Variants in SATB1 observed in about 807,000 individuals in gnomAD.
SATB1 encodes SATB homeobox 1.
A neutral mutation model predicts 86.9 loss-of-function variants in SATB1; 11 were observed. The observed-to-expected ratio is 0.13, with a 90% CI of 0.08 to 0.21. The LOEUF is 0.21. Ranked by LOEUF, SATB1 falls within the 10% of genes least tolerant of loss-of-function variation. The pLI is 1.00. For missense variants in SATB1, 551 were observed against 937.6 expected (o/e 0.59, Z 5.39); for synonymous variants, 357 against 357.2 (o/e 1.00, Z 0.01).
chr3:18,428,173 A>T (rs2125190482), upstream of SATB1, among the ~76,000 whole-genome samples: 1 of 152,316 alleles, frequency 6.6e-6, no homozygotes, highest in Non-Finnish European at 1.5e-5. Flanking sequence ...GAGGGGCCTC[A>T]TCTGGTGAGG....
chr3:18,352,262 C>A lies in SATB1; in HGVS notation c.1576-67G>T. Reference sequence around the variant, plus strand: ...AGGGGCTGGCATTTTCCATTAGGAGCTAAAAAGGAAAAACCCTATGAATTA... The same window carrying A: ...AGGGGCTGGCATTTTCCATTAGGAGATAAAAAGGAAAAACCCTATGAATTA... On this transcript the variant is annotated intron_variant, in intron 9 of 10. Coordinates refer to ENST00000338745, the MANE Select transcript of SATB1 (RefSeq NM_002971.6). The surrounding 1 kb of genome is among the most constrained non-coding windows in gnomAD (Gnocchi z 4.1). The A allele has an allele frequency of 2.9e-6, 4 of 1,396,362 alleles. No individual in the cohort carries two copies. The highest frequency in any genetic ancestry group is 3.7e-5 in the Admixed American group (2 of 54,294). The allele number at this position is 1,396,362 out of a possible 1,614,324, so 86.5% of individuals were successfully genotyped here. A position where few individuals can be genotyped will look rare whatever the true frequency, so the allele number is the denominator to read the frequency against.
intron 9 of SATB1, among the ~76,000 whole-genome samples, chr3:18,355,139 A>G (rs1205657881): frequency 6.6e-6 from 1 of 152,026 alleles, no homozygotes; most frequent in Non-Finnish European, 1.5e-5. Context: ...TGTTTGCTCT[A>G]AAGGGTATTC....
intron 9 of SATB1, among the ~76,000 whole-genome samples, chr3:18,361,195 G>A (rs1694891427): frequency 6.6e-6 from 1 of 151,916 alleles, no homozygotes; most frequent in Non-Finnish European, 1.5e-5. Flanking sequence ...TAAGAAGTCT[G>A]GGTTTTAATT....
At chr3:18,360,929 T>C (rs1694876337) in intron 9 of SATB1, among the ~76,000 whole-genome samples, 1 of 151,804 alleles carries the variant, frequency 6.6e-6, no homozygotes. Flanking sequence ...AGAAGAAGAG[T>C]TGAGGTAGGG....
chr3:18,401,340 G>A (rs1024192713), intron 5 of SATB1, among the ~76,000 whole-genome samples: 5 of 152,094 alleles, frequency 3.3e-5, no homozygotes, highest in Non-Finnish European at 7.4e-5. Flanking sequence ...CGCTTTGGCT[G>A]TCGTGATAGA....
intron 8 of SATB1, among the ~76,000 whole-genome samples, chr3:18,381,845 A>G (rs1696080323): frequency 6.6e-6 from 1 of 152,092 alleles, no homozygotes; most frequent in African/African-American, 2.4e-5. Flanking sequence ...CCACTCTCAA[A>G]TTTTAATATA....
At chr3:18,363,598 G>A (rs2125152763) in intron 9 of SATB1, among the ~76,000 whole-genome samples, 1 of 152,232 alleles carries the variant, frequency 6.6e-6, no homozygotes, top group South Asian at 2.1e-4. Context: ...ATCCTTGTGA[G>A]CCCACTCCAG....
chr3:18,355,830 T>C (rs1169086775), intron 9 of SATB1, among the ~76,000 whole-genome samples: 1 of 151,864 alleles, frequency 6.6e-6, no homozygotes, highest in Non-Finnish European at 1.5e-5. Flanking sequence ...ATGAGACCGA[T>C]CCATTCTCAG....
intron 8 of SATB1, among the ~76,000 whole-genome samples, chr3:18,379,583 C>CT (rs1695940260): frequency 6.6e-6 from 1 of 152,116 alleles, no homozygotes; most frequent in Non-Finnish European, 1.5e-5. Flanking sequence ...AGCTGCAGGA[C>CT]TTTAAGATTT....
chr3:18,349,629 A>T lies in SATB1; in HGVS notation c.1833T>A (p.Pro611=). The T allele has an allele frequency of 1.9e-6, 3 of 1,612,888 alleles. No homozygotes were observed. The highest frequency in any genetic ancestry group is 8.5e-7 in the Non-Finnish European group (1 of 1,179,796). Residue 611 remains proline, a synonymous_variant, in exon 11 of 11, where the codon CCT becomes CCA. Transcript: ENST00000338745. The surrounding 1 kb of genome is among the most constrained non-coding windows in gnomAD (Gnocchi z 5.5). ...TCTGTGGCTGCTGCTGTGGCTGTGG[A>T]GGCGGCGGTGCCTGCTGCTGCTGCT... ...QQQQQQQAPP[P]PQPQQQPQTG...
chr3:18,385,867 T>TG (rs774424661), intron 8 of SATB1, among the ~76,000 whole-genome samples: 21 of 152,130 alleles, frequency 1.4e-4, no homozygotes, highest in Non-Finnish European at 2.6e-4. Flanking sequence ...GCCCGTATCT[T>TG]GGAGTATGGA....
At chr3:18,393,661 C>T (rs368595109) in intron 7 of SATB1, among the ~76,000 whole-genome samples, 8 of 152,306 alleles carry the variant, frequency 5.3e-5, no homozygotes, top group African/African-American at 1.9e-4. Context: ...CTAAGGCCTG[C>T]CAGCCACACT....
In SATB1 at chr3:18,416,930, A is replaced by G; in HGVS notation, c.360T>C (p.Tyr120=). The G allele has an allele frequency of 6.2e-7, 1 of 1,612,778 alleles. No homozygotes were observed. The highest frequency in any genetic ancestry group is 1.7e-5 in the Admixed American group (1 of 59,794). ...TGGCCTGGGCAGCAGAGCTATGTGA[A>G]TAACCTAGAGACAGCAATGCCATTT... ...LIEMALLSLG[Y]SHSSAAQAKG... Residue 120 remains tyrosine (Y), a synonymous_variant, in exon 3 of 11, where the codon TAT becomes TAC. Transcript: ENST00000338745.
At chr3:18,362,034 A>C (rs908693276) in intron 9 of SATB1, among the ~76,000 whole-genome samples, 30 of 152,146 alleles carry the variant, frequency 2.0e-4, no homozygotes, top group Admixed American at 1.9e-3. Context: ...TAATAAAAAT[A>C]TATAGCAAGT....
intron 7 of SATB1, among the ~76,000 whole-genome samples, chr3:18,388,833 A>G (rs542399584): frequency 6.6e-6 from 1 of 152,308 alleles, no homozygotes; most frequent in African/African-American, 2.4e-5. Flanking sequence ...TTAGGTATTT[A>G]AAAATCCCAA....
At chr3:18,433,621 A>G (rs1043815015) in intron 2 of SATB1, among the ~76,000 whole-genome samples, 2 of 152,074 alleles carry the variant, frequency 1.3e-5, no homozygotes, top group African/African-American at 4.8e-5. Context: ...TGAAGTTCGT[A>G]TCTGTATTTT....
intron 10 of SATB1, chr3:18,350,435 T>C (rs1694292912): frequency 6.6e-6 from 1 of 152,270 alleles, no homozygotes; most frequent in South Asian, 2.1e-4. Flanking sequence ...ATAATTAGTA[T>C]ATGTATATGT....
intron 5 of SATB1, among the ~76,000 whole-genome samples, chr3:18,410,218 A>G (rs1697762053): frequency 1.3e-5 from 2 of 152,114 alleles, no homozygotes; most frequent in African/African-American, 4.8e-5. Flanking sequence ...AATTTTCAGC[A>G]ATGAGAATAA....
rs1238062713 is a variant in SATB1, at chr3:18,425,161, C to CGCCGCT, written c.-1565_-1560dup. On this transcript the variant is annotated 5_prime_UTR_variant, in exon 1 of 11. Transcript: ENST00000338745. Reference sequence around the variant, plus strand: ...CTCCTGCTGCTGCTGCCGCCGCCGCCGCCGCTGCCGCTGTGGGTGCCTCTT... The same window carrying CGCCGCT: ...CTCCTGCTGCTGCTGCCGCCGCCGCCGCCGCTGCCGCTGCCGCTGTGGGTGCCTCTT... 6 of 176,114 alleles carry CGCCGCT rather than the reference C, an allele frequency of 3.4e-5. No homozygotes were observed. Among genetic ancestry groups the CGCCGCT allele is most frequent in the Non-Finnish European group, 5.8e-5 (5 of 85,960 alleles). 10.9% of individuals were successfully genotyped at this position (176,114 alleles called of 1,614,324 possible). A position where few individuals can be genotyped will look rare whatever the true frequency, so the allele number is the denominator to read the frequency against.
Sources: allele counts gnomAD v4.1 joint callset (sites outside exome capture counted in the v4.1 genomes callset), GRCh38; gene constraint gnomAD v4.1.1; non-coding constraint Gnocchi (gnomAD v3.1); transcripts MANE v1.5; gene names NCBI Gene and HGNC (gene_info 2026-07-23, HGNC 2026-07-21).